Variants in RFX4 observed in about 807,000 individuals in gnomAD.
The protein encoded by RFX4 is transcription factor RFX4.
Under a neutral mutation model 95.0 loss-of-function variants are expected in RFX4, and 10 were observed. The observed-to-expected ratio is 0.11, with a 90% CI of 0.06 to 0.18. RFX4 has a LOEUF of 0.18. RFX4 is among the 10% of genes least tolerant of loss of function. The probability of loss-of-function intolerance (pLI) is 1.00; values close to 1 mark genes in which losing one functional copy is unlikely to be tolerated. For missense variants in RFX4, 640 were observed against 922.0 expected (o/e 0.69, Z 3.96); for synonymous variants, 321 against 340.7 (o/e 0.94, Z 0.64).
chr12:106,645,507 G>A (rs529832453), intron 3 of RFX4, among the ~76,000 whole-genome samples: 20 of 152,166 alleles, frequency 1.3e-4, no homozygotes, highest in African/African-American at 4.8e-4. Context: ...GGGGGGGATT[G>A]GGGGGAGATT....
At chr12:106,729,578 G>A (rs940597075) in intron 13 of RFX4, among the ~76,000 whole-genome samples, 2 of 152,182 alleles carry the variant, frequency 1.3e-5, no homozygotes, top group South Asian at 2.1e-4. Context: ...ACATTAGACA[G>A]CTACTTTACC....
At chr12:106,679,721 A>G (rs934071898) in intron 4 of RFX4, among the ~76,000 whole-genome samples, 1 of 152,174 alleles carries the variant, frequency 6.6e-6, no homozygotes, top group African/African-American at 2.4e-5. Flanking sequence ...TTCTATCGCT[A>G]TTAGCATGTC....
rs1375841002 is a variant in RFX4, at chr12:106,611,767, TC to T, written c.130+2887del. On this transcript the variant is annotated intron_variant, in intron 2 of 17. Transcript: ENST00000392842. ...ACCTCGTGATCTGCCCCCCTCAGCCTCCCAAAGTTCTGGGATTACAGGCATG... is the reference window on the plus strand; with the variant it reads ...ACCTCGTGATCTGCCCCCCTCAGCCTCCAAAGTTCTGGGATTACAGGCATG... Among the ~76,000 whole-genome samples, 3 of 152,264 alleles carry T rather than the reference TC, an allele frequency of 2.0e-5. No homozygotes were observed. The East Asian group carries it at 5.8e-4, about 29-fold the overall frequency.
intron 1 of RFX4, among the ~76,000 whole-genome samples, chr12:106,591,518 G>A (rs1438267665): frequency 6.6e-6 from 1 of 151,900 alleles, no homozygotes; most frequent in African/African-American, 2.4e-5. Flanking sequence ...CACCCACCTC[G>A]GCCTCCCAAA....
intron 15 of RFX4, among the ~76,000 whole-genome samples, chr12:106,737,593 C>T (rs1472278736): frequency 6.6e-6 from 1 of 152,078 alleles, no homozygotes; most frequent in Admixed American, 6.6e-5. Context: ...CCCAAAGTTT[C>T]CTCTCTCTAT....
chr12:106,652,299 C>T (rs2137314105), intron 3 of RFX4, among the ~76,000 whole-genome samples: 2 of 152,314 alleles, frequency 1.3e-5, no homozygotes, highest in East Asian at 3.9e-4. Context: ...CTTTGTCCAT[C>T]TGTCTACCAT....
intron 2 of RFX4, among the ~76,000 whole-genome samples, chr12:106,624,898 G>A (rs750960175): frequency 5.3e-5 from 8 of 151,918 alleles, no homozygotes; most frequent in Admixed American, 2.0e-4. Context: ...TCTCTGGACC[G>A]GGCCAATTGA....
chr12:106,634,815 A>G (rs2040479900), intron 2 of RFX4, among the ~76,000 whole-genome samples: 1 of 152,088 alleles, frequency 6.6e-6, no homozygotes, highest in Non-Finnish European at 1.5e-5. Context: ...CTTCTCTGAC[A>G]AGCTCTGCTT....
At chr12:106,735,536 C>A (rs535738214) in intron 15 of RFX4, among the ~76,000 whole-genome samples, 67 of 152,132 alleles carry the variant, frequency 4.4e-4, no homozygotes, top group Non-Finnish European at 6.0e-4. Context: ...TATATAACTT[C>A]CAAAGAAGAG....
At chr12:106,737,585 C>T (rs1238138396) in intron 15 of RFX4, among the ~76,000 whole-genome samples, 1 of 152,020 alleles carries the variant, frequency 6.6e-6, no homozygotes, top group East Asian at 1.9e-4. Flanking sequence ...ATTCCTTCCC[C>T]AAAGTTTCCT....
At chr12:106,629,433 CT>C (rs2040371453) in intron 2 of RFX4, among the ~76,000 whole-genome samples, 1 of 152,130 alleles carries the variant, frequency 6.6e-6, no homozygotes. Context: ...GCCAAATGAC[CT>C]TCCATACAGG....
chr12:106,665,089 A>G (rs1162404638), intron 4 of RFX4, among the ~76,000 whole-genome samples: 1 of 151,810 alleles, frequency 6.6e-6, no homozygotes, highest in Non-Finnish European at 1.5e-5. Context: ...GGGGTATTGA[A>G]GTTTCCAACA....
At chr12:106,671,353 T>G (rs2041276680) in intron 4 of RFX4, among the ~76,000 whole-genome samples, 1 of 152,084 alleles carries the variant, frequency 6.6e-6, no homozygotes, top group East Asian at 1.9e-4. Context: ...AAGGCTGTAT[T>G]ATGTAGAGTG....
intron 1 of RFX4, among the ~76,000 whole-genome samples, chr12:106,605,551 T>C (rs2039813002): frequency 6.6e-6 from 1 of 152,120 alleles, no homozygotes. Context: ...CAGAACAACA[T>C]AGGTGATGGT....
At chr12:106,658,882 G>A (rs908859005) in intron 4 of RFX4, among the ~76,000 whole-genome samples, 7 of 152,116 alleles carry the variant, frequency 4.6e-5, no homozygotes, top group Non-Finnish European at 7.3e-5. Flanking sequence ...TTATTGTGTT[G>A]GAAGCTTCTG....
At chr12:106,595,176 G>A (rs1236592219) in intron 1 of RFX4, among the ~76,000 whole-genome samples, 2 of 152,150 alleles carry the variant, frequency 1.3e-5, no homozygotes, top group Non-Finnish European at 2.9e-5. Context: ...CTGAGATTCA[G>A]ACAGCCTAGT....
chr12:106,656,748 CG>C (rs1565967064), intron 4 of RFX4, among the ~76,000 whole-genome samples: 4 of 152,090 alleles, frequency 2.6e-5, no homozygotes, highest in Non-Finnish European at 4.4e-5. Context: ...CTCTCTTCTG[CG>C]ATCTTTGGTT....
intron 15 of RFX4, among the ~76,000 whole-genome samples, chr12:106,742,940 T>G (rs1187377993): frequency 2.0e-5 from 3 of 152,232 alleles, no homozygotes; most frequent in Admixed American, 2.0e-4. Flanking sequence ...CATTACTGAT[T>G]GTCTATTATA....
At chr12:106,735,593 T>G (rs898564911) in intron 15 of RFX4, among the ~76,000 whole-genome samples, 1 of 152,228 alleles carries the variant, frequency 6.6e-6, no homozygotes, top group African/African-American at 2.4e-5. Flanking sequence ...TTAGATTCAA[T>G]ACCTGAAACC....
Sources: gnomAD v4.1 joint callset for allele counts (sites outside exome capture counted in the v4.1 genomes callset) on GRCh38, gnomAD v4.1.1 for gene constraint, MANE v1.5 for transcripts, NCBI Gene and HGNC (gene_info 2026-07-23, HGNC 2026-07-21) for gene names.